The following GFOD1 variants were observed in gnomAD, a reference collection of about 807,000 sequenced individuals.
GFOD1 encodes the protein Gfo/Idh/MocA-like oxidoreductase domain containing 1, also known as glucose-fructose oxidoreductase domain-containing protein 1.
In GFOD1, 9 loss-of-function variants were observed where a neutral mutation model predicts 25.4. The observed-to-expected ratio is 0.35, with a 90% confidence interval of 0.21 to 0.62. GFOD1 has a LOEUF of 0.62. Ranked by LOEUF, GFOD1 falls within the 20% of genes least tolerant of loss-of-function variation. The probability of loss-of-function intolerance (pLI) is 0.72; values close to 1 mark genes in which losing one functional copy is unlikely to be tolerated. For missense variants in GFOD1, 403 were observed against 556.9 expected (o/e 0.72, Z 2.78); for synonymous variants, 253 against 245.6 (o/e 1.03, Z -0.28).
Position 13,364,988 on chromosome 6 carries a change from T to G in GFOD1, c.928A>C (p.Met310Leu). ...TGGAAGGCCTGGCGCACCGCCTGCA[T>G]CATCTTGATGGTGCCGCGCAGGTAG... is the stretch of plus-strand genomic sequence containing the variant. The part of the protein sequence containing the change: ...SPYLRGTIKM[M>L]QAVRQAFQDQ... Residue 310 changes from methionine to leucine, a missense_variant, in exon 2 of 2, where the codon ATG (methionine) becomes CTG (leucine). Coordinates refer to ENST00000379287, the MANE Select transcript of GFOD1 (RefSeq NM_018988.4). The surrounding 1 kb of genome is among the most constrained non-coding windows in gnomAD (Gnocchi z 4.1). The G allele has an allele frequency of 6.2e-7, 1 of 1,610,568 alleles. No homozygotes were observed. The highest frequency in any genetic ancestry group is 8.5e-7 in the Non-Finnish European group (1 of 1,179,794).
chr6:13,384,610 A>G (rs988917589), intron 1 of GFOD1, among the ~76,000 whole-genome samples: 16 of 152,204 alleles, frequency 1.1e-4, no homozygotes, highest in African/African-American at 3.6e-4. Context: ...TTTACAACAG[A>G]ATGTGGCCAT....
chr6:13,390,033 C>T (rs933421772), intron 1 of GFOD1, among the ~76,000 whole-genome samples: 1 of 152,170 alleles, frequency 6.6e-6, no homozygotes, highest in Admixed American at 6.5e-5. Context: ...CCCCATTGTG[C>T]CACTCTTCTC....
intron 1 of GFOD1, chr6:13,470,515 A>G (rs1245916978): frequency 2.5e-5 from 39 of 1,549,732 alleles, no homozygotes; most frequent in Non-Finnish European, 3.1e-5. Flanking sequence ...GGGTAAACAA[A>G]TGTCCCATGT....
intron 1 of GFOD1, among the ~76,000 whole-genome samples, chr6:13,379,155 A>G (rs1356856761): frequency 6.6e-6 from 1 of 152,192 alleles, no homozygotes; most frequent in African/African-American, 2.4e-5. Flanking sequence ...GTAAAAACTG[A>G]CAAGTAACCT....
chr6:13,470,421 G>T, intron 1 of GFOD1: 1 of 1,549,864 alleles, frequency 6.5e-7, no homozygotes. Context: ...GGATGTGAAC[G>T]GCTGTGCATA....
Position 13,363,053 on chromosome 6 carries a change from T to C in GFOD1, c.*1690A>G, listed in dbSNP as rs1678429560. The C allele has an allele frequency of 6.6e-6, 1 of 152,248 alleles. No individual in the cohort carries two copies. Among genetic ancestry groups the C allele is most frequent in the Non-Finnish European group, 1.5e-5 (1 of 68,038 alleles). 9.4% of individuals were successfully genotyped at this position (152,248 alleles called of 1,614,324 possible). Reference sequence around the variant, plus strand: ...GAGGAATGGCTTCCACGTCCACACTTGACAAATGTCTTACGTGGGGTGAAG... The same window carrying C: ...GAGGAATGGCTTCCACGTCCACACTCGACAAATGTCTTACGTGGGGTGAAG... On this transcript the variant is annotated 3_prime_UTR_variant, in exon 2 of 2. Coordinates refer to ENST00000379287, the MANE Select transcript of GFOD1 (RefSeq NM_018988.4).
chr6:13,454,271 G>C (rs1441557015), intron 1 of GFOD1, among the ~76,000 whole-genome samples: 1 of 152,118 alleles, frequency 6.6e-6, no homozygotes, highest in Non-Finnish European at 1.5e-5. Context: ...CCAGCCTCCA[G>C]AACTGAAAAA....
At chr6:13,409,792 C>G (rs1287841688) in intron 1 of GFOD1, among the ~76,000 whole-genome samples, 5 of 151,994 alleles carry the variant, frequency 3.3e-5, no homozygotes, top group African/African-American at 1.2e-4. Context: ...CATGGTGGCA[C>G]ACACCTGTAG....
At chr6:13,444,253 C>T (rs913351736) in intron 1 of GFOD1, among the ~76,000 whole-genome samples, 4 of 152,204 alleles carry the variant, frequency 2.6e-5, no homozygotes, top group Non-Finnish European at 2.9e-5. Context: ...CAAACTAACA[C>T]AAGAACAGAA....
At chr6:13,412,560 C>T (rs753357054) in intron 1 of GFOD1, among the ~76,000 whole-genome samples, 5 of 152,228 alleles carry the variant, frequency 3.3e-5, no homozygotes, top group African/African-American at 7.2e-5. Context: ...GAGCCAACAT[C>T]ACTTCTGGTT....
At position 13,364,396 on chromosome 6, in the gene GFOD1, T is replaced by TAGATCTCG; in HGVS notation, c.*346_*347insCGAGATCT. On this transcript the variant is annotated 3_prime_UTR_variant, in exon 2 of 2. Transcript: ENST00000379287. The surrounding 1 kb of genome is among the most constrained non-coding windows in gnomAD (Gnocchi z 4.1). ...ACTTGGCTTGCAGAAGGCCAAGGTG[T>TAGATCTCG]GTGGGATGGATGAGGTAGGGAGGGA... is the stretch of plus-strand genomic sequence containing the variant. The TAGATCTCG allele has an allele frequency of 3.7e-5, 10 of 272,890 alleles. No individual in the cohort carries two copies. The highest frequency in any genetic ancestry group is 1.2e-4 in the South Asian group (2 of 16,294). The allele number at this position is 272,890 out of a possible 1,614,324, so 16.9% of individuals were successfully genotyped here.
intron 1 of GFOD1, among the ~76,000 whole-genome samples, chr6:13,451,614 G>A (rs375940592): frequency 5.9e-5 from 9 of 152,154 alleles, no homozygotes; most frequent in Non-Finnish European, 8.8e-5. Flanking sequence ...TTGGGGGAGA[G>A]GGGCGGCCAA....
intron 1 of GFOD1, among the ~76,000 whole-genome samples, chr6:13,437,456 A>T (rs1757851415): frequency 6.6e-6 from 1 of 152,190 alleles, no homozygotes; most frequent in African/African-American, 2.4e-5. Context: ...GAAGCCACTA[A>T]CCACATGTGA....
intron 1 of GFOD1, among the ~76,000 whole-genome samples, chr6:13,382,297 C>T (rs1785381827): frequency 6.6e-6 from 1 of 151,490 alleles, no homozygotes; most frequent in Admixed American, 6.6e-5. Context: ...CTGTAGCTCT[C>T]ATAATTCCCA....
intron 1 of GFOD1, among the ~76,000 whole-genome samples, chr6:13,464,681 C>A (rs1213103526): frequency 6.6e-6 from 1 of 152,182 alleles, no homozygotes; most frequent in Middle Eastern, 3.2e-3. Context: ...GTATAATGTG[C>A]TGGGCCTCAT....
At chr6:13,443,491 CA>C (rs1757950629) in intron 1 of GFOD1, among the ~76,000 whole-genome samples, 1 of 113,586 alleles carries the variant, frequency 8.8e-6, no homozygotes. Context: ...ATCAATCAAT[CA>C]ATGCAGCAAA....
At position 13,362,176 on chromosome 6, in the gene GFOD1, G is replaced by A. The variant is rs1784956437; in HGVS notation, c.*2567C>T. 1 of 152,066 alleles carries A rather than the reference G, an allele frequency of 6.6e-6. No homozygotes were observed. The allele number at this position is 152,066 out of a possible 1,614,324, so 9.4% of individuals were successfully genotyped here. A position where few individuals can be genotyped will look rare whatever the true frequency, so the allele number is the denominator to read the frequency against. ...CCCAGGGAGCAATTTAGAAGAACCA[G>A]AATCAGCTGGGTGTGGTGGCTCACG... On this transcript the variant is annotated 3_prime_UTR_variant, in exon 2 of 2. Coordinates refer to ENST00000379287, the MANE Select transcript of GFOD1 (RefSeq NM_018988.4).
At chr6:13,486,459 G>A in intron 1 of GFOD1, 179 bp downstream of exon 1, 1 of 635,778 alleles carries the variant, frequency 1.6e-6, no homozygotes, top group Non-Finnish European at 2.7e-6. Flanking sequence ...CAAAGGTGGG[G>A]AAGGCCGGGG....
intron 1 of GFOD1, among the ~76,000 whole-genome samples, chr6:13,410,115 C>T (rs1786048065): frequency 6.7e-6 from 1 of 148,986 alleles, no homozygotes; most frequent in African/African-American, 2.5e-5. Context: ...AGATGATGCA[C>T]AAATGTTTTG....
Sources: gnomAD v4.1 joint callset for allele counts (sites outside exome capture counted in the v4.1 genomes callset) on GRCh38, gnomAD v4.1.1 for gene constraint, Gnocchi (gnomAD v3.1) non-coding constraint, MANE v1.5 for transcripts, NCBI Gene and HGNC (gene_info 2026-07-23, HGNC 2026-07-21) for gene names.